RNF145: variants seen among roughly 807,000 people sequenced by gnomAD.
RNF145 encodes the protein ring finger protein 145.
A neutral mutation model predicts 57.3 loss-of-function variants in RNF145; 12 were observed. That is an observed-to-expected ratio of 0.21 (90% CI 0.13 to 0.34). RNF145 has a LOEUF of 0.34. RNF145 is among the 10% of genes least tolerant of loss of function. The probability of loss-of-function intolerance (pLI) is 1.00; values close to 1 mark genes in which losing one functional copy is unlikely to be tolerated. For missense variants in RNF145, 429 were observed against 799.0 expected (o/e 0.54, Z 5.58); for synonymous variants, 262 against 288.3 (o/e 0.91, Z 0.92).
chr5:159,180,301 C>A (rs137915205), intron 4 of RNF145, among the ~76,000 whole-genome samples: 1 of 152,046 alleles, frequency 6.6e-6, no homozygotes, highest in Admixed American at 6.6e-5. Context: ...TTGGTATACA[C>A]CCTCAACTGG....
chr5:159,188,538 G>A (rs1048800341), intron 3 of RNF145, among the ~76,000 whole-genome samples: 1 of 152,000 alleles, frequency 6.6e-6, no homozygotes, highest in Non-Finnish European at 1.5e-5. Context: ...TTCCCCCTTA[G>A]TTTTGGATAG....
chr5:159,198,421 G>A (rs1269540706), intron 2 of RNF145, among the ~76,000 whole-genome samples: 4 of 152,198 alleles, frequency 2.6e-5, no homozygotes, highest in African/African-American at 9.7e-5. Context: ...GTAAACAGCA[G>A]GACCAGAGGT....
intron 8 of RNF145, among the ~76,000 whole-genome samples, chr5:159,164,819 C>A (rs185830581): frequency 1.3e-5 from 2 of 152,228 alleles, no homozygotes; most frequent in East Asian, 1.9e-4. Flanking sequence ...GATAAAATAA[C>A]CAATTATTTC....
At chr5:159,209,559 C>T (rs1786037781), upstream of RNF145, 4 of 991,014 alleles carry the variant, frequency 4.0e-6, no homozygotes, top group Non-Finnish European at 4.8e-6. Context: ...TCTGCGGCGG[C>T]CGCGGCCCGA....
intron 4 of RNF145, among the ~76,000 whole-genome samples, chr5:159,181,688 T>G (rs1784897522): frequency 6.6e-6 from 1 of 151,472 alleles, no homozygotes; most frequent in East Asian, 1.9e-4. Context: ...TAGCTCTATT[T>G]AAAAATTAAT....
chr5:159,177,649 AT>A (rs752359442), intron 4 of RNF145, among the ~76,000 whole-genome samples: 7 of 152,060 alleles, frequency 4.6e-5, no homozygotes, highest in Non-Finnish European at 1.0e-4. Flanking sequence ...CTTGGAACAC[AT>A]TTCCTAATAT....
intron 1 of RNF145, among the ~76,000 whole-genome samples, chr5:159,204,894 T>C (rs1239927580): frequency 6.8e-6 from 1 of 146,370 alleles, no homozygotes; most frequent in Non-Finnish European, 1.5e-5. Context: ...GCTCTGACAA[T>C]ATCCTTTTAA....
At chr5:159,194,658 T>C in intron 3 of RNF145, 58 bp downstream of exon 3, 1 of 1,106,686 alleles carries the variant, frequency 9.0e-7, no homozygotes, top group Non-Finnish European at 1.4e-6. Context: ...AGTATTTTAT[T>C]GGCAAAAGAA....
At chr5:159,205,195 A>G (rs1232327570) in intron 1 of RNF145, among the ~76,000 whole-genome samples, 1 of 152,198 alleles carries the variant, frequency 6.6e-6, no homozygotes, top group Non-Finnish European at 1.5e-5. Flanking sequence ...GCCTGCCAAT[A>G]ATATAGATTT....
rs1785747246 is a variant in RNF145, at chr5:159,203,597, C to T, written c.21G>A (p.Leu7=). MAAKEK[L]EAVLNVALRV... Reference sequence around the variant, plus strand: ...TCAGGGCCACATTTAACACTGCCTCCAGTTTCTCCTTTGCAGCCATGTTGT... The same window carrying T: ...TCAGGGCCACATTTAACACTGCCTCTAGTTTCTCCTTTGCAGCCATGTTGT... Residue 7 remains leucine, a synonymous_variant, in exon 2 of 11, where the codon CTG becomes CTA. Transcript: ENST00000424310. 2 of 1,613,696 alleles carry T rather than the reference C, an allele frequency of 1.2e-6. No homozygotes were observed. The highest frequency in any genetic ancestry group is 1.7e-6 in the Non-Finnish European group (2 of 1,179,922).
At chr5:159,162,617 G>A (rs376212888) in intron 9 of RNF145, among the ~76,000 whole-genome samples, 1,686 of 151,210 alleles carry the variant, frequency 0.011, 13 homozygotes, top group South Asian at 0.019. Context: ...TGTATTTTTA[G>A]TAGAGACGGG....
At chr5:159,184,074 C>A (rs1379037020) in intron 3 of RNF145, among the ~76,000 whole-genome samples, 1 of 152,152 alleles carries the variant, frequency 6.6e-6, no homozygotes, top group Non-Finnish European at 1.5e-5. Flanking sequence ...GGGCCTCAGT[C>A]CCAAGTGTCT....
chr5:159,192,400 C>A (rs765471983), intron 3 of RNF145, among the ~76,000 whole-genome samples: 4 of 152,214 alleles, frequency 2.6e-5, no homozygotes, highest in Non-Finnish European at 5.9e-5. Context: ...AGGGCAGGCT[C>A]ACAGTTTTTC....
At chr5:159,183,985 G>A (rs995460224) in intron 3 of RNF145, among the ~76,000 whole-genome samples, 8 of 152,116 alleles carry the variant, frequency 5.3e-5, no homozygotes, top group African/African-American at 1.7e-4. Context: ...TATGTTATAC[G>A]AATTTTACAT....
chr5:159,159,857 T>A (rs1423329454), intron 10 of RNF145, among the ~76,000 whole-genome samples: 1 of 152,228 alleles, frequency 6.6e-6, no homozygotes, highest in Non-Finnish European at 1.5e-5. Flanking sequence ...ACCATTAATT[T>A]TGTTTCAAGT....
chr5:159,166,032 C>T (rs1233592523), intron 8 of RNF145, among the ~76,000 whole-genome samples: 2 of 152,226 alleles, frequency 1.3e-5, no homozygotes, highest in East Asian at 1.9e-4. Flanking sequence ...CCACTTTACA[C>T]TCTCATCAGT....
At chr5:159,209,145 CGACGCGATGGGG>C in intron 1 of RNF145, 74 bp downstream of exon 1, 2 of 404,740 alleles carry the variant, frequency 4.9e-6, no homozygotes, top group Non-Finnish European at 6.5e-6. Context: ...AAGGAGCCTG[CGACGCGATGGGG>C]GAGGGGAGGG....
chr5:159,209,921 C>G (rs1250321068), upstream of RNF145: 6 of 1,535,470 alleles, frequency 3.9e-6, no homozygotes, highest in East Asian at 2.4e-5. Context: ...AGCAATGATG[C>G]GAGAATTCGT....
At chr5:159,159,108 T>G in intron 10 of RNF145, 73 bp from the exon 11 acceptor site, 1 of 1,382,238 alleles carries the variant, frequency 7.2e-7, no homozygotes. Context: ...CCCAAAGTTC[T>G]GGTTCTAACA....
Sources: allele counts gnomAD v4.1 joint callset (sites outside exome capture counted in the v4.1 genomes callset), GRCh38; gene constraint gnomAD v4.1.1; transcripts MANE v1.5; gene names NCBI Gene and HGNC (gene_info 2026-07-23, HGNC 2026-07-21).